The following ECHDC3 variants were observed in gnomAD, a reference collection of about 807,000 sequenced individuals.
The protein encoded by ECHDC3 is enoyl-CoA hydratase domain-containing protein 3, mitochondrial.
In ECHDC3, 20 loss-of-function variants were observed where a neutral mutation model predicts 17.9. The ratio of observed to expected loss-of-function variants is 1.12; its 90% CI spans 0.79 to 1.63. The LOEUF (loss-of-function observed/expected upper bound fraction) is 1.63. Ranked by LOEUF, ECHDC3 falls within the 40% of genes most tolerant of loss-of-function variation. The probability of loss-of-function intolerance (pLI) is 0.00; values close to 1 mark genes in which losing one functional copy is unlikely to be tolerated. For synonymous variants in ECHDC3, 177 were observed against 149.7 expected, an observed-to-expected ratio of 1.18 and a Z score of -1.33; for missense variants, 407 against 357.7, an observed-to-expected ratio of 1.14 and a Z score of -1.11.
intron 1 of ECHDC3, among the ~76,000 whole-genome samples, chr10:11,746,629 C>A (rs903031353): frequency 6.6e-6 from 1 of 151,934 alleles, no homozygotes; most frequent in African/African-American, 2.4e-5. Context: ...TATATGTACC[C>A]ACAAAAATTA....
Position 11,755,393 on chromosome 10 carries a change from G to T in ECHDC3, c.391-15G>T. On this transcript the variant is annotated splice_polypyrimidine_tract_variant and intron_variant, in intron 3 of 4. Transcript: ENST00000379215. ...CCCTCTGGGTGGAAATGAAGTAGGT[G>T]TGTTTGTCCCGCAGGTCATGATGCA... 1 of 1,596,108 alleles carries T rather than the reference G, an allele frequency of 6.3e-7. No individual in the cohort carries two copies. The highest frequency in any genetic ancestry group is 8.6e-7 in the Non-Finnish European group (1 of 1,165,882).
At chr10:11,752,090 TC>T (rs1832831205) in intron 3 of ECHDC3, 1 of 151,998 alleles carries the variant, frequency 6.6e-6, no homozygotes, top group East Asian at 1.9e-4. Flanking sequence ...TTTGAACTTC[TC>T]TCTAACTTTA....
At chr10:11,749,166 C>T (rs190850645) in intron 2 of ECHDC3, among the ~76,000 whole-genome samples, 1 of 152,264 alleles carries the variant, frequency 6.6e-6, no homozygotes, top group African/African-American at 2.4e-5. Flanking sequence ...CAGGCCAGAG[C>T]GAGTCCCCAA....
At chr10:11,748,006 A>G (rs939060219) in intron 2 of ECHDC3, among the ~76,000 whole-genome samples, 4 of 152,248 alleles carry the variant, frequency 2.6e-5, no homozygotes, top group African/African-American at 9.6e-5. Flanking sequence ...TTTAAAGCAT[A>G]CACAAAAAAA....
intron 3 of ECHDC3, chr10:11,752,273 G>A (rs1189744314): frequency 1.6e-4 from 8 of 49,874 alleles, no homozygotes; most frequent in African/African-American, 3.3e-4. Flanking sequence ...CACCATGCCC[G>A]GTTAATTTTT....
intron 4 of ECHDC3, among the ~76,000 whole-genome samples, chr10:11,760,929 T>A (rs570715168): frequency 1.3e-3 from 205 of 152,374 alleles, no homozygotes; most frequent in African/African-American, 4.8e-3. Context: ...AAAAATGGTC[T>A]GCCCTGGAAC....
Position 11,763,798 on chromosome 10 carries a change from A to T in ECHDC3, c.*254A>T. ...GGCCAGCTATGGTGGGAAGCCTGGC[A>T]TTTGGGGTGCTCCTTGCAACGTCTT... is the stretch of plus-strand genomic sequence containing the variant. On this transcript the variant is annotated 3_prime_UTR_variant, in exon 5 of 5. Coordinates refer to ENST00000379215, the MANE Select transcript of ECHDC3 (RefSeq NM_024693.5). This position sits in a 1 kb window ranked among gnomAD's most constrained non-coding sequence, Gnocchi z 4.9. 2.4e-6 allele frequency: 3 copies of T among 1,262,078 alleles called. No homozygotes were observed. The highest frequency in any genetic ancestry group is 2.1e-5 in the South Asian group (1 of 47,198). 78.2% of individuals were successfully genotyped at this position (1,262,078 alleles called of 1,614,324 possible). A position where few individuals can be genotyped will look rare whatever the true frequency, so the allele number is the denominator to read the frequency against.
chr10:11,755,299 C>G, intron 3 of ECHDC3, 109 bp from the exon 4 acceptor site: 1 of 1,041,072 alleles, frequency 9.6e-7, no homozygotes, highest in Non-Finnish European at 1.4e-6. Flanking sequence ...GCACTCCATC[C>G]TGGGCAACAG....
chr10:11,753,771 C>A (rs78461681), intron 3 of ECHDC3, among the ~76,000 whole-genome samples: 10 of 150,016 alleles, frequency 6.7e-5, no homozygotes, highest in East Asian at 2.0e-4. Context: ...CATTCTTCTT[C>A]TTTTTATTTT....
intron 2 of ECHDC3, among the ~76,000 whole-genome samples, chr10:11,747,856 C>T (rs1414759464): frequency 6.6e-6 from 1 of 152,182 alleles, no homozygotes; most frequent in Non-Finnish European, 1.5e-5. Flanking sequence ...AGCTTTCGAA[C>T]TGATATCTGC....
At chr10:11,753,437 A>AT (rs1832850493) in intron 3 of ECHDC3, among the ~76,000 whole-genome samples, 1 of 152,050 alleles carries the variant, frequency 6.6e-6, no homozygotes, top group Non-Finnish European at 1.5e-5. Context: ...CATATTACCT[A>AT]TTTTTCTGCC....
chr10:11,746,949 G>A (rs72779890), intron 1 of ECHDC3, among the ~76,000 whole-genome samples: 2 of 152,262 alleles, frequency 1.3e-5, no homozygotes, highest in Non-Finnish European at 2.9e-5. Flanking sequence ...AGGAACAATG[G>A]AAAGAAAGCA....
At chr10:11,760,833 T>C (rs568097408) in intron 4 of ECHDC3, among the ~76,000 whole-genome samples, 3 of 152,356 alleles carry the variant, frequency 2.0e-5, no homozygotes, top group African/African-American at 4.8e-5. Flanking sequence ...ATTTCACAGC[T>C]GTTCACAACA....
At chr10:11,755,792 C>T in intron 4 of ECHDC3, 184 bp downstream of exon 4, 1 of 563,530 alleles carries the variant, frequency 1.8e-6, no homozygotes, top group Non-Finnish European at 3.1e-6. Flanking sequence ...AAGAGCCGAC[C>T]GCCTGCCTGT....
At chr10:11,748,178 A>G (rs974199224) in intron 2 of ECHDC3, among the ~76,000 whole-genome samples, 1 of 152,166 alleles carries the variant, frequency 6.6e-6, no homozygotes, top group African/African-American at 2.4e-5. Context: ...AGTACAGTCC[A>G]GCAGCCATGT....
At chr10:11,742,880 C>G in intron 1 of ECHDC3, 134 bp downstream of exon 1, 2 of 1,052,750 alleles carry the variant, frequency 1.9e-6, no homozygotes, top group Non-Finnish European at 2.4e-6. Context: ...GTGTCCCGGA[C>G]CCGGGCCTGG....
intron 4 of ECHDC3, among the ~76,000 whole-genome samples, chr10:11,762,363 AC>A (rs1691961120): frequency 6.6e-6 from 1 of 152,172 alleles, no homozygotes; most frequent in Admixed American, 6.5e-5. Context: ...CCCTGAGGTG[AC>A]GGTGCATGGG....
intron 2 of ECHDC3, among the ~76,000 whole-genome samples, chr10:11,748,724 A>T (rs1233447233): frequency 1.3e-5 from 2 of 152,126 alleles, no homozygotes; most frequent in Non-Finnish European, 2.9e-5. Flanking sequence ...CATCTCTACC[A>T]AAAATACAAA....
chr10:11,743,597 A>G lies in ECHDC3; in HGVS notation c.170+851A>G, dbSNP rs115485104. Among the ~76,000 whole-genome samples, 501 of 152,304 alleles carry G rather than the reference A, an allele frequency of 3.3e-3. 6 individuals carry two copies. Among genetic ancestry groups the G allele is most frequent in the African/African-American group, 0.012 (479 of 41,568 alleles). ...GACACCCTTCCAGCCCTCATGCTCT[A>G]CAGACAGCTGCTCTTGGCCACCTTT... On this transcript the variant is annotated intron_variant, in intron 1 of 4. Coordinates refer to ENST00000379215, the MANE Select transcript of ECHDC3 (RefSeq NM_024693.5).
Sources: gnomAD v4.1 joint callset for allele counts (sites outside exome capture counted in the v4.1 genomes callset) on GRCh38, gnomAD v4.1.1 for gene constraint, Gnocchi (gnomAD v3.1) non-coding constraint, MANE v1.5 for transcripts, NCBI Gene and HGNC (gene_info 2026-07-23, HGNC 2026-07-21) for gene names.